Variants in EML1 observed in about 807,000 individuals in gnomAD.
EML1 encodes the protein EMAP like 1.
In EML1, 27 loss-of-function variants were observed where a neutral mutation model predicts 110.4. The ratio of observed to expected loss-of-function variants is 0.24; its 90% CI spans 0.18 to 0.34. The LOEUF (loss-of-function observed/expected upper bound fraction) is 0.34, where lower values mean the gene tolerates loss of function less well. Ranked by LOEUF, EML1 falls within the 10% of genes least tolerant of loss-of-function variation. The pLI is 1.00. For missense variants in EML1, 741 were observed against 1,030.9 expected (o/e 0.72, Z 3.85); for synonymous variants, 344 against 385.8 (o/e 0.89, Z 1.27).
At chr14:99,913,647 A>T (rs373671159) in intron 13 of EML1, among the ~76,000 whole-genome samples, 1 of 152,172 alleles carries the variant, frequency 6.6e-6, no homozygotes, top group East Asian at 1.9e-4. Context: ...TTGTAGTTTA[A>T]AAATAAGGCT....
intron 1 of EML1, among the ~76,000 whole-genome samples, chr14:99,818,387 A>G (rs1355404596): frequency 6.6e-6 from 1 of 152,162 alleles, no homozygotes; most frequent in African/African-American, 2.4e-5. Flanking sequence ...TTTAGAAGAT[A>G]TTTAATGTCC....
chr14:99,932,539 T>C (rs1376820069), intron 17 of EML1, among the ~76,000 whole-genome samples: 2 of 151,218 alleles, frequency 1.3e-5, no homozygotes, highest in Non-Finnish European at 2.9e-5. Flanking sequence ...TCTGGAAGGC[T>C]GAGGCAGGAG....
chr14:99,788,349 T>C (rs946898959), intron 1 of EML1, among the ~76,000 whole-genome samples: 11 of 152,352 alleles, frequency 7.2e-5, no homozygotes, highest in Middle Eastern at 3.4e-3. Context: ...TGTAGGTACA[T>C]TGTAAGTAAA....
chr14:99,741,796 G>A lies in EML1; in HGVS notation c.28+3936G>A, dbSNP rs192693649. The stretch of plus-strand genomic sequence containing the variant: ...AGGAGGTCGCACTGCTCTCTGAGGT[G>A]GGGGGGCCTGGCGTGGTGTCCCTTC... On this transcript the variant is annotated intron_variant, in intron 1 of 10. Coordinates refer to the EML1 transcript ENST00000554479. 2.6e-5 allele frequency among the ~76,000 whole-genome samples: 4 copies of A among 152,254 alleles called. No homozygotes were observed. The East Asian group carries it at 7.7e-4, about 29-fold the overall frequency.
At chr14:99,752,837 T>A (rs1364118407) in intron 1 of EML1, among the ~76,000 whole-genome samples, 1 of 152,042 alleles carries the variant, frequency 6.6e-6, no homozygotes, top group Admixed American at 6.5e-5. Flanking sequence ...CATTAAAAAA[T>A]ACACAGTTTT....
chr14:99,770,659 C>T (rs1027577173), upstream of EML1, among the ~76,000 whole-genome samples: 7 of 151,860 alleles, frequency 4.6e-5, no homozygotes, highest in East Asian at 1.9e-4. Context: ...TATCACCTGG[C>T]GAAGTAACAA....
intron 1 of EML1, among the ~76,000 whole-genome samples, chr14:99,767,055 G>A (rs573883886): frequency 2.6e-5 from 4 of 152,104 alleles, no homozygotes; most frequent in Admixed American, 6.5e-5. Flanking sequence ...TTTTTCCATC[G>A]CCATGGTGAC....
intron 4 of EML1, 127 bp from the exon 5 acceptor site, chr14:99,891,072 A>T: frequency 9.7e-7 from 1 of 1,030,340 alleles, no homozygotes; most frequent in African/African-American, 1.6e-5. Flanking sequence ...TGTTTTTCTT[A>T]TTAACGTGTA....
chr14:99,922,164 A>T (rs1000784537), intron 17 of EML1, among the ~76,000 whole-genome samples: 34 of 147,414 alleles, frequency 2.3e-4, no homozygotes, highest in South Asian at 8.6e-4. Flanking sequence ...TTAATGATGG[A>T]TTTTTTTTTT....
At chr14:99,938,689 C>A (rs567122511) in intron 20 of EML1, among the ~76,000 whole-genome samples, 16 of 152,344 alleles carry the variant, frequency 1.1e-4, no homozygotes, top group Non-Finnish European at 2.2e-4. Context: ...TAATGATGGG[C>A]ACAGCTGCCA....
intron 4 of EML1, among the ~76,000 whole-genome samples, chr14:99,889,260 G>A (rs3783325): frequency 0.18 from 27,841 of 152,004 alleles, 2,963 homozygotes; most frequent in East Asian, 0.43. Context: ...TGTGTGCCCC[G>A]GGGAGAGGCA....
At chr14:99,889,714 A>G in intron 4 of EML1, among the ~76,000 whole-genome samples, 1 of 152,110 alleles carries the variant, frequency 6.6e-6, no homozygotes, top group East Asian at 1.9e-4. Context: ...ACAGCAGGGA[A>G]TATAGTGAAG....
chr14:99,817,129 T>C (rs1595333762), intron 1 of EML1, among the ~76,000 whole-genome samples: 1 of 152,332 alleles, frequency 6.6e-6, no homozygotes, highest in South Asian at 2.1e-4. Context: ...AATTTATCCT[T>C]GGCAGCAAAT....
chr14:99,807,360 C>T (rs953073820), intron 1 of EML1, among the ~76,000 whole-genome samples: 15 of 152,194 alleles, frequency 9.9e-5, no homozygotes, highest in African/African-American at 3.6e-4. Context: ...TCAGCTCTAA[C>T]AAGGAGAGCT....
At chr14:99,849,527 GTGTA>G (rs56140151) in intron 1 of EML1, among the ~76,000 whole-genome samples, 32,042 of 141,560 alleles carry the variant, frequency 0.23, 4,038 homozygotes, top group Non-Finnish European at 0.29. Flanking sequence ...GTGTGTGTGT[GTGTA>G]TATATATTTA....
At chr14:99,814,025 C>T (rs1412056501) in intron 1 of EML1, among the ~76,000 whole-genome samples, 1 of 152,124 alleles carries the variant, frequency 6.6e-6, no homozygotes, top group Non-Finnish European at 1.5e-5. Flanking sequence ...AGATCTAAAA[C>T]AGATGATGAA....
intron 17 of EML1, among the ~76,000 whole-genome samples, chr14:99,933,698 A>C (rs2140127160): frequency 6.6e-6 from 1 of 152,236 alleles, no homozygotes; most frequent in East Asian, 1.9e-4. Context: ...AAAAATGGGG[A>C]TAATTATATC....
At chr14:99,825,370 C>T (rs890191907) in intron 1 of EML1, among the ~76,000 whole-genome samples, 2 of 152,172 alleles carry the variant, frequency 1.3e-5, no homozygotes, top group Admixed American at 6.5e-5. Context: ...CTGTGATGAA[C>T]ATGTGGGTGC....
At chr14:99,927,154 A>T (rs2060249332) in intron 17 of EML1, among the ~76,000 whole-genome samples, 1 of 152,188 alleles carries the variant, frequency 6.6e-6, no homozygotes, top group Admixed American at 6.5e-5. Context: ...TCCAGTTTTC[A>T]ATTTACTTTT....
Sources: gnomAD v4.1 joint callset for allele counts (sites outside exome capture counted in the v4.1 genomes callset) on GRCh38, gnomAD v4.1.1 for gene constraint, MANE v1.5 for transcripts, NCBI Gene and HGNC (gene_info 2026-07-23, HGNC 2026-07-21) for gene names.